ERC1: variants seen among roughly 807,000 people sequenced by gnomAD.
ERC1 encodes RAB6 interacting protein 2.
ERC1 carries 56 observed loss-of-function variants against 132.0 expected under a neutral mutation model. That is an observed-to-expected ratio of 0.42 (90% CI 0.34 to 0.53). ERC1 has a LOEUF of 0.53. Ranked by LOEUF, ERC1 falls within the 20% of genes least tolerant of loss-of-function variation. The pLI, the probability that ERC1 is intolerant of heterozygous loss-of-function variation, is 0.03. For missense variants in ERC1, 1,202 were observed against 1,349.9 expected (o/e 0.89, Z 1.72); for synonymous variants, 478 against 476.1 (o/e 1.00, Z -0.05).
At chr12:1,116,943 A>T (rs61398522) in intron 7 of ERC1, among the ~76,000 whole-genome samples, 2 of 152,180 alleles carry the variant, frequency 1.3e-5, no homozygotes, top group African/African-American at 4.8e-5. Context: ...TTAGGTATCC[A>T]CCATCTTCAG....
At chr12:1,016,624 G>A (rs1965545609) in intron 1 of ERC1, among the ~76,000 whole-genome samples, 1 of 148,438 alleles carries the variant, frequency 6.7e-6, no homozygotes, top group Non-Finnish European at 1.5e-5. Flanking sequence ...TGGGATCAGT[G>A]CTTTTCTTTT....
chr12:1,098,497 C>A (rs1004821772), intron 3 of ERC1, among the ~76,000 whole-genome samples: 2 of 152,154 alleles, frequency 1.3e-5, no homozygotes, highest in African/African-American at 4.8e-5. Context: ...CAGTTAGGAC[C>A]TGCTGTTGAC....
chr12:1,190,012 G>C lies in ERC1; in HGVS notation c.2311G>C (p.Glu771Gln), dbSNP rs746963965. 3 of 1,614,026 alleles carry C rather than the reference G, an allele frequency of 1.9e-6. No homozygotes were observed. The highest frequency in any genetic ancestry group is 2.5e-6 in the Non-Finnish European group (3 of 1,179,952). ...AGAAATCTTGAAGGAGGTGGAAAAT[G>C]AGAAGAATGACAAAGATAAGAAGAT... is the stretch of plus-strand genomic sequence containing the variant. ...LLEILKEVEN[E>Q]KNDKDKKIAE... The change falls in exon 12 of 19, where the codon GAG (glutamate) becomes CAG (glutamine). Residue 771 changes from glutamate (E) to glutamine (Q), a missense_variant. Transcript: ENST00000360905.
chr12:1,494,391 GA>G lies in ERC1; in HGVS notation c.*4165del, dbSNP rs2154435703. ...TGCAAATTAGGGAAGAATTAGGCAAGAAAAGACATACATTACAGGGAAATCC... is the reference window on the plus strand; with the variant it reads ...TGCAAATTAGGGAAGAATTAGGCAAGAAAGACATACATTACAGGGAAATCC... On this transcript the variant is annotated 3_prime_UTR_variant, in exon 19 of 19. Transcript: ENST00000360905. 4.3e-6 allele frequency: 1 copy of G among 232,116 alleles called. No homozygotes were observed. Among genetic ancestry groups the G allele is most frequent in the African/African-American group, 2.2e-5 (1 of 45,400 alleles). The allele number at this position is 232,116 out of a possible 1,614,324, so 14.4% of individuals were successfully genotyped here. A position where few individuals can be genotyped will look rare whatever the true frequency, so the allele number is the denominator to read the frequency against.
intron 1 of ERC1, among the ~76,000 whole-genome samples, chr12:1,004,806 CTGTGTGTGTGTGTGTGTG>C (rs60674277): frequency 0.023 from 3,388 of 146,944 alleles, 53 homozygotes; most frequent in Non-Finnish European, 0.038. Context: ...CTGCCTTTTT[CTGTGTGTGTGTGTGTGTG>C]TGTGTGTGTG....
At chr12:1,151,908 G>A (rs1950872019) in intron 8 of ERC1, 1 of 152,256 alleles carries the variant, frequency 6.6e-6, no homozygotes, top group African/African-American at 2.4e-5. Context: ...TTTAAAAATA[G>A]CTCAGCAAGG....
intron 8 of ERC1, among the ~76,000 whole-genome samples, chr12:1,161,935 A>G (rs552431818): frequency 2.0e-5 from 3 of 152,112 alleles, no homozygotes; most frequent in South Asian, 2.1e-4. Context: ...CTGAGAAACT[A>G]TGTTATTTTG....
intron 2 of ERC1, among the ~76,000 whole-genome samples, chr12:1,055,714 C>T (rs752048530): frequency 6.6e-5 from 10 of 152,206 alleles, no homozygotes; most frequent in Non-Finnish European, 1.5e-4. Flanking sequence ...AGTCAGACTG[C>T]TGGATGGTTC....
At chr12:1,267,656 A>G (rs1189557658) in intron 14 of ERC1, among the ~76,000 whole-genome samples, 1 of 152,116 alleles carries the variant, frequency 6.6e-6, no homozygotes, top group African/African-American at 2.4e-5. Flanking sequence ...CAGCTACTTG[A>G]GGGACTGAGG....
chr12:1,441,418 G>T (rs1260715004), intron 17 of ERC1, among the ~76,000 whole-genome samples: 1 of 152,184 alleles, frequency 6.6e-6, no homozygotes, highest in Admixed American at 6.5e-5. Flanking sequence ...CAGTCATAGT[G>T]GTTGTAGGAG....
chr12:1,465,920 T>G (rs2093734009), intron 18 of ERC1, among the ~76,000 whole-genome samples: 1 of 152,210 alleles, frequency 6.6e-6, no homozygotes, highest in Admixed American at 6.5e-5. Flanking sequence ...GACCCCCTTC[T>G]GGTGCCAAGT....
intron 18 of ERC1, among the ~76,000 whole-genome samples, chr12:1,480,586 A>G (rs1434881686): frequency 1.3e-5 from 2 of 152,192 alleles, no homozygotes; most frequent in Non-Finnish European, 2.9e-5. Flanking sequence ...ATGGAAGGGG[A>G]AAGAAGGAAT....
chr12:1,013,003 CT>C (rs1158569427), intron 1 of ERC1, among the ~76,000 whole-genome samples: 2 of 152,062 alleles, frequency 1.3e-5, no homozygotes, highest in Non-Finnish European at 2.9e-5. Flanking sequence ...GTTATTCAGT[CT>C]TGTGAATAGA....
intron 15 of ERC1, among the ~76,000 whole-genome samples, chr12:1,312,382 AT>A (rs368125784): frequency 4.5e-4 from 68 of 150,232 alleles, no homozygotes; most frequent in African/African-American, 9.3e-4. Flanking sequence ...AAGTAAAGCA[AT>A]TTTTTTTTTC....
intron 13 of ERC1, among the ~76,000 whole-genome samples, chr12:1,248,649 G>C (rs555230690): frequency 2.6e-5 from 4 of 152,280 alleles, no homozygotes; most frequent in Admixed American, 2.0e-4. Context: ...GTGAAAAGTT[G>C]ACAGGATCTG....
chr12:1,191,574 C>T (rs1955738099), intron 12 of ERC1, among the ~76,000 whole-genome samples: 1 of 152,106 alleles, frequency 6.6e-6, no homozygotes, highest in Non-Finnish European at 1.5e-5. Flanking sequence ...ATGTTTTTGA[C>T]TCATTTTTGT....
intron 16 of ERC1, among the ~76,000 whole-genome samples, chr12:1,390,378 AC>A (rs2089844567): frequency 6.6e-6 from 1 of 152,160 alleles, no homozygotes; most frequent in South Asian, 2.1e-4. Flanking sequence ...GTAAATACCA[AC>A]TGTCTATTAA....
At chr12:1,296,452 C>A (rs182865577) in intron 15 of ERC1, among the ~76,000 whole-genome samples, 3 of 119,736 alleles carry the variant, frequency 2.5e-5, no homozygotes, top group Non-Finnish European at 4.8e-5. Flanking sequence ...TCGCTCTTGT[C>A]CCCCAGGCTG....
chr12:1,310,049 G>GC (rs2081185484), intron 15 of ERC1, among the ~76,000 whole-genome samples: 1 of 151,476 alleles, frequency 6.6e-6, no homozygotes, highest in Non-Finnish European at 1.5e-5. Context: ...CCGGGTTCAC[G>GC]CCATTCTCCT....
Sources: gnomAD v4.1 joint callset for allele counts (sites outside exome capture counted in the v4.1 genomes callset) on GRCh38, gnomAD v4.1.1 for gene constraint, MANE v1.5 for transcripts, NCBI Gene and HGNC (gene_info 2026-07-23, HGNC 2026-07-21) for gene names.